Variants in PDE4DIP observed in about 807,000 individuals in gnomAD.
PDE4DIP encodes myomegalin.
PDE4DIP carries 59 observed loss-of-function variants against 221.4 expected under a neutral mutation model. The ratio of observed to expected loss-of-function variants is 0.27; its 90% CI spans 0.22 to 0.33. The LOEUF is 0.33. Among genes scored for constraint, PDE4DIP ranks in the 10% least tolerant of loss-of-function variants. The pLI, the probability that PDE4DIP is intolerant of heterozygous loss-of-function variation, is 1.00. For missense variants in PDE4DIP, 1,036 were observed against 2,154.2 expected (o/e 0.48, Z 10.28); for synonymous variants, 404 against 815.9 (o/e 0.50, Z 8.60).
chr1:148,879,498 GT>G (rs1306982392), intron 3 of PDE4DIP, among the ~76,000 whole-genome samples: 2 of 140,752 alleles, frequency 1.4e-5, no homozygotes, highest in Admixed American at 7.3e-5. Flanking sequence ...CGCCTGGCCT[GT>G]TTTTTTATTT....
At chr1:149,029,862 A>T in exon 42 of PDE4DIP, 6 of 1,594,116 alleles carry the variant, frequency 3.8e-6, no homozygotes, top group Non-Finnish European at 5.1e-6. Flanking sequence ...TCAGAGCACA[A>T]CTGAGCATCT....
intron 1 of PDE4DIP, among the ~76,000 whole-genome samples, chr1:148,911,949 T>C (rs1481078985): frequency 4.2e-4 from 63 of 148,760 alleles, no homozygotes; most frequent in Non-Finnish European, 7.0e-4. Flanking sequence ...GGAGTGACAT[T>C]CCTTCACCTT....
intron 14 of PDE4DIP, among the ~76,000 whole-genome samples, chr1:148,969,789 C>T (rs1186923620): frequency 2.0e-5 from 3 of 151,640 alleles, no homozygotes; most frequent in Non-Finnish European, 4.4e-5. Flanking sequence ...TCACTGCAAC[C>T]TCTGCCTCCT....
In PDE4DIP at chr1:148,996,379, G is replaced by A. The variant is rs587638440; in HGVS notation, c.2905-1764G>A. On this transcript the variant is annotated intron_variant, in intron 22 of 43. Coordinates refer to ENST00000369354, the Ensembl canonical transcript of PDE4DIP. ...ATGGGATTGTAAGCTTTCAGAAGTGGTTTTATTTGGTCCCCCTTCCTTTAT... is the reference window on the plus strand; with the variant it reads ...ATGGGATTGTAAGCTTTCAGAAGTGATTTTATTTGGTCCCCCTTCCTTTAT... Among the ~76,000 whole-genome samples the A allele has an allele frequency of 6.6e-5, 10 of 152,342 alleles. No homozygotes were observed. In the East Asian group the frequency reaches 1.9e-3, roughly 29 times the overall value.
At chr1:148,952,414 G>A in intron 5 of PDE4DIP, 4 of 1,083,546 alleles carry the variant, frequency 3.7e-6, no homozygotes, top group Admixed American at 5.3e-5. Flanking sequence ...GCGGCCGGCC[G>A]CTGCTGCTCC....
In PDE4DIP at chr1:148,951,959, G is replaced by A. The variant is rs1242758648; in HGVS notation, c.637-8695G>A. The A allele has an allele frequency of 8.9e-6, 8 of 899,700 alleles. No homozygotes were observed. The South Asian group carries it at 1.6e-4, about 17-fold the overall frequency. The allele number at this position is 899,700 out of a possible 1,614,324, so 55.7% of individuals were successfully genotyped here. Reference sequence around the variant, plus strand: ...CTTAGAACCCAGGCGGGGCGGGGCCGGGAAAGGTGAGGCTGCTGGCGGGAA... The same window carrying A: ...CTTAGAACCCAGGCGGGGCGGGGCCAGGAAAGGTGAGGCTGCTGGCGGGAA... On this transcript the variant is annotated intron_variant, in intron 5 of 43. Transcript: ENST00000369354.
At position 149,005,439 on chromosome 1, in the gene PDE4DIP, T is replaced by C. The variant is rs2066722100; in HGVS notation, c.4415+2T>C. 1 of 1,540,462 alleles carries C rather than the reference T, an allele frequency of 6.5e-7. No individual in the cohort carries two copies. The highest frequency in any genetic ancestry group is 1.4e-5 in the African/African-American group (1 of 72,550). On this transcript the variant is annotated splice_donor_variant, in intron 27 of 43. Coordinates refer to ENST00000369354, the Ensembl canonical transcript of PDE4DIP. LOFTEE classifies it high-confidence loss of function. ...GCTGAGATCAGCCTCGTGGCCTGGG[T>C]AAGGATGGCACTGTTTGGGTACTTT...
Position 149,012,584 on chromosome 1 carries a change from T to G in PDE4DIP, c.5081-7T>G, listed in dbSNP as rs1385698236. On this transcript the variant is annotated splice_region_variant and splice_polypyrimidine_tract_variant and intron_variant, in intron 31 of 43. Coordinates refer to ENST00000369354, the Ensembl canonical transcript of PDE4DIP. ...TGTCTCTTTTCTCCTTAACTTTCTT[T>G]TCCTAGGCTTTCATTTTCACTCCAT... 1 of 1,580,936 alleles carries G rather than the reference T, an allele frequency of 6.3e-7. No homozygotes were observed. The highest frequency in any genetic ancestry group is 1.4e-5 in the African/African-American group (1 of 72,938).
chr1:149,026,785 T>G, exon 39 of PDE4DIP: 1 of 595,866 alleles, frequency 1.7e-6, no homozygotes, highest in Non-Finnish European at 3.0e-6. Flanking sequence ...CCAGCTCTGC[T>G]TCCTCTACTC....
chr1:149,006,415 T>A (rs587722096), intron 27 of PDE4DIP: 1 of 152,284 alleles, frequency 6.6e-6, no homozygotes, highest in East Asian at 1.9e-4. Context: ...CATCAGTTGA[T>A]GGTATGAGCG....
At chr1:148,975,028 A>G (rs1553536111) in intron 17 of PDE4DIP, among the ~76,000 whole-genome samples, 1 of 129,748 alleles carries the variant, frequency 7.7e-6, no homozygotes, top group Admixed American at 8.2e-5. Flanking sequence ...AAAATTAGCC[A>G]GGTGTAGTGG....
At chr1:148,965,363 T>C in intron 9 of PDE4DIP, 121 bp from the exon 13 acceptor site, 1 of 683,624 alleles carries the variant, frequency 1.5e-6, no homozygotes, top group South Asian at 1.9e-5. Flanking sequence ...TATAGCAATT[T>C]TAATAATGGC....
intron 8 of PDE4DIP, 21 bp downstream of exon 11, chr1:148,962,309 A>G (rs2057124157): frequency 1.3e-6 from 2 of 1,546,654 alleles, no homozygotes; most frequent in South Asian, 1.1e-5. Flanking sequence ...GTCACGTAGG[A>G]CAGGAGAGAC....
chr1:148,970,050 T>TCAAGG (rs1449210869), intron 14 of PDE4DIP, among the ~76,000 whole-genome samples: 1 of 152,004 alleles, frequency 6.6e-6, no homozygotes, highest in African/African-American at 2.4e-5. Flanking sequence ...TGTTTTCTCC[T>TCAAGG]CAAGGCTAAA....
intron 1 of PDE4DIP, among the ~76,000 whole-genome samples, chr1:148,920,171 T>C (rs1482134199): frequency 6.7e-6 from 1 of 148,438 alleles, no homozygotes; most frequent in Non-Finnish European, 1.5e-5. Context: ...ATCTCACTCT[T>C]GCCCAGGCTG....
chr1:149,028,534 G>A (rs587618397), intron 40 of PDE4DIP, 26 bp from the exon 44 acceptor site: 175 of 1,603,728 alleles, frequency 1.1e-4, no homozygotes, highest in East Asian at 5.4e-4. Flanking sequence ...TAATCTCTCC[G>A]CTCCTGTGGT....
At chr1:148,991,424 G>A (rs3863696) in intron 21 of PDE4DIP, 2,625 of 157,384 alleles carry the variant, frequency 0.017, 8 homozygotes, top group African/African-American at 0.06. Flanking sequence ...CAGAGAGATT[G>A]TCACCCTATG....
chr1:148,986,803 G>C (rs1553550274), intron 21 of PDE4DIP, among the ~76,000 whole-genome samples: 2 of 152,176 alleles, frequency 1.3e-5, no homozygotes, highest in Admixed American at 6.5e-5. Context: ...GGTGGGTAGT[G>C]CTGTCTCTAA....
At chr1:148,893,089 G>A (rs1412260217) in intron 1 of PDE4DIP, among the ~76,000 whole-genome samples, 7 of 133,760 alleles carry the variant, frequency 5.2e-5, no homozygotes, top group Non-Finnish European at 7.9e-5. Context: ...GTGTGTGTGT[G>A]TGTGTGTGTG....
Sources: allele counts gnomAD v4.1 joint callset (sites outside exome capture counted in the v4.1 genomes callset), GRCh38; gene constraint gnomAD v4.1.1; transcripts MANE v1.5; gene names NCBI Gene and HGNC (gene_info 2026-07-23, HGNC 2026-07-21).